Variants in INPP5F observed in about 807,000 individuals in gnomAD.
INPP5F encodes phosphatidylinositide 4-phosphatase SAC2.
Under a neutral mutation model 137.2 loss-of-function variants are expected in INPP5F, and 97 were observed. That is an observed-to-expected ratio of 0.71 (90% CI 0.60 to 0.84). The LOEUF (loss-of-function observed/expected upper bound fraction) is 0.84. INPP5F is among the 40% of genes least tolerant of loss of function. INPP5F has a pLI of 0.00. For synonymous variants in INPP5F, 504 were observed against 476.9 expected, an observed-to-expected ratio of 1.06 and a Z score of -0.74; for missense variants, 1,271 against 1,371.9, an observed-to-expected ratio of 0.93 and a Z score of 1.16.
chr10:119,798,786 C>CTTTT (rs374141329), intron 9 of INPP5F, among the ~76,000 whole-genome samples, 176 bp downstream of exon 9: 3,463 of 100,614 alleles, frequency 0.034, 125 homozygotes, highest in South Asian at 0.16. Flanking sequence ...GAGTCAGCTA[C>CTTTT]TTTTTTTTTT....
rs565460119 is a variant in INPP5F at position 119,798,570 on chromosome 10, G to C, written c.1076G>C (p.Cys359Ser). The change falls in exon 9 of 20, where the codon TGT becomes TCT. Residue 359 changes from cysteine to serine, a missense_variant. Coordinates refer to ENST00000650623, the MANE Select transcript of INPP5F (RefSeq NM_014937.4). ...GAAAAGGAAACTGTTGCCTATTTCTGTGCCCATTTCGAAGAACAACTGAAC... is the reference window on the plus strand; with the variant it reads ...GAAAAGGAAACTGTTGCCTATTTCTCTGCCCATTTCGAAGAACAACTGAAC... The part of the protein sequence containing the change: ...RSEKETVAYF[C>S]AHFEEQLNIY... The C allele has an allele frequency of 5.5e-5, 89 of 1,612,386 alleles. No homozygotes were observed. In the South Asian group the frequency reaches 8.9e-4, roughly 16 times the overall value.
intron 3 of INPP5F, among the ~76,000 whole-genome samples, chr10:119,784,969 CT>C (rs1849832339): frequency 6.6e-6 from 1 of 152,194 alleles, no homozygotes; most frequent in Non-Finnish European, 1.5e-5. Context: ...ACCACGTGGC[CT>C]TTTGTGATGG....
At chr10:119,732,500 CTT>C (rs59388357) in intron 1 of INPP5F, among the ~76,000 whole-genome samples, 15 of 115,540 alleles carry the variant, frequency 1.3e-4, no homozygotes, top group East Asian at 2.6e-4. Context: ...TTTCTTTTTT[CTT>C]TTTTTTTTTT....
chr10:119,778,420 G>A (rs1849596431), intron 2 of INPP5F, among the ~76,000 whole-genome samples: 1 of 152,164 alleles, frequency 6.6e-6, no homozygotes, highest in African/African-American at 2.4e-5. Flanking sequence ...TAATTGGGGA[G>A]TACTTTTTAA....
At chr10:119,808,183 A>G in intron 13 of INPP5F, 123 bp downstream of exon 13, 5 of 1,212,518 alleles carry the variant, frequency 4.1e-6, no homozygotes, top group Non-Finnish European at 5.7e-6. Flanking sequence ...TCTTTTCTGA[A>G]ATGGTTGGCT....
intron 2 of INPP5F, among the ~76,000 whole-genome samples, chr10:119,763,424 A>T (rs1193191574): frequency 6.6e-6 from 1 of 152,226 alleles, no homozygotes; most frequent in African/African-American, 2.4e-5. Flanking sequence ...AGCAGCCCTG[A>T]TGATCTCTTA....
At chr10:119,749,835 G>A (rs770347480) in intron 1 of INPP5F, among the ~76,000 whole-genome samples, 6 of 152,138 alleles carry the variant, frequency 3.9e-5, no homozygotes, top group Non-Finnish European at 7.3e-5. Flanking sequence ...CTGGAGTGCC[G>A]TGGTGCGATC....
At position 119,826,622 on chromosome 10, in the gene INPP5F, A is replaced by G. The variant is rs1328813816; in HGVS notation, c.2250-9A>G. On this transcript the variant is annotated splice_polypyrimidine_tract_variant and intron_variant, in intron 19 of 19. Transcript: ENST00000650623. ...GGGGAATTAACTTTTTTTCTCTTCT[A>G]ATTTGTAGGAAGAGCAGTAAACCTC... The G allele has an allele frequency of 1.3e-6, 2 of 1,554,278 alleles. No individual in the cohort carries two copies. The highest frequency in any genetic ancestry group is 1.7e-6 in the Non-Finnish European group (2 of 1,154,952).
intron 2 of INPP5F, among the ~76,000 whole-genome samples, chr10:119,759,747 C>T (rs1848955356): frequency 6.6e-6 from 1 of 152,170 alleles, no homozygotes; most frequent in Admixed American, 6.5e-5. Context: ...TCTTAACAGA[C>T]TTGAGTCTTG....
At chr10:119,741,818 A>T (rs1285259835) in intron 1 of INPP5F, among the ~76,000 whole-genome samples, 1 of 151,900 alleles carries the variant, frequency 6.6e-6, no homozygotes, top group African/African-American at 2.4e-5. Context: ...TACAGGCGTG[A>T]GCCACCGTGC....
intron 2 of INPP5F, among the ~76,000 whole-genome samples, chr10:119,780,677 C>T (rs902090547): frequency 3.9e-5 from 6 of 152,154 alleles, no homozygotes; most frequent in African/African-American, 1.2e-4. Flanking sequence ...TGGATCTAAC[C>T]AACCACACAT....
In INPP5F at chr10:119,827,079, C is replaced by T. The variant is rs146380100; in HGVS notation, c.2698C>T (p.Arg900Ter). 15 of 1,613,992 alleles carry T rather than the reference C, an allele frequency of 9.3e-6. No homozygotes were observed. The highest frequency in any genetic ancestry group is 1.3e-5 in the Non-Finnish European group (15 of 1,180,018). The part of the protein sequence containing the change: ...PSCGIIASAP[R>*]LGSRSQSLSS... ...TTGTGGTATTATTGCCTCAGCGCCT[C>T]GATTGGGCAGTCGGTCCCAGTCTCT... The change falls in exon 20 of 20, where the codon CGA (arginine) becomes TGA (stop). Residue 900 changes from arginine (R) to a stop codon, truncating the protein, a stop_gained. Transcript: ENST00000650623. LOFTEE classifies it high-confidence loss of function.
At chr10:119,798,699 C>A in intron 9 of INPP5F, 89 bp downstream of exon 9, 17 of 688,694 alleles carry the variant, frequency 2.5e-5, no homozygotes, top group Non-Finnish European at 3.0e-5. Context: ...TTGTACTATT[C>A]AAAATTAAAG....
chr10:119,761,465 G>A (rs1191584121), intron 2 of INPP5F, among the ~76,000 whole-genome samples: 2 of 152,184 alleles, frequency 1.3e-5, no homozygotes, highest in Non-Finnish European at 1.5e-5. Flanking sequence ...GCACTGGCGT[G>A]GTGGTAGCAT....
In INPP5F at chr10:119,827,679, G is replaced by T; in HGVS notation, c.3298G>T (p.Val1100Phe). Reference protein sequence around the residue: ...THGINFAVSKVQKSPPEPEII... With the variant: ...THGINFAVSKFQKSPPEPEII... ...TGGGATAAACTTTGCAGTGTCAAAA[G>T]TTCAGAAGAGTCCTCCAGAACCTGA... Residue 1100 changes from valine to phenylalanine, a missense_variant, in exon 20 of 20, where the codon GTT (valine) becomes TTT (phenylalanine). By Grantham distance (50) the Val-to-Phe change is conservative (BLOSUM62 -1). Transcript: ENST00000650623. The T allele has an allele frequency of 1.2e-6, 2 of 1,614,124 alleles. No homozygotes were observed. The highest frequency in any genetic ancestry group is 1.7e-6 in the Non-Finnish European group (2 of 1,179,958).
In INPP5F at chr10:119,784,556, A is replaced by G. The variant is rs932133013; in HGVS notation, c.315+2785A>G. Among the ~76,000 whole-genome samples, 9 of 152,318 alleles carry G rather than the reference A, an allele frequency of 5.9e-5. No homozygotes were observed. The East Asian group carries it at 1.7e-3, about 29-fold the overall frequency. ...TGGTCACTGTTCCCAGATTTGCTAA[A>G]GCCTAAGTCTGTGTTCTGTAATTGG... is the stretch of plus-strand genomic sequence containing the variant. On this transcript the variant is annotated intron_variant, in intron 3 of 19. Transcript: ENST00000650623.
chr10:119,794,971 T>C (rs796397478), intron 6 of INPP5F, among the ~76,000 whole-genome samples: 2,337 of 89,270 alleles, frequency 0.026, 81 homozygotes, highest in South Asian at 0.15. Flanking sequence ...CCAGTAGGGG[T>C]GGCCGGGCAG....
At chr10:119,743,592 T>G (rs913312564) in intron 1 of INPP5F, among the ~76,000 whole-genome samples, 1 of 131,288 alleles carries the variant, frequency 7.6e-6, no homozygotes, top group African/African-American at 2.9e-5. Flanking sequence ...GGGTGGGGAG[T>G]CGGATTCCAG....
intron 17 of INPP5F, 56 bp downstream of exon 17, chr10:119,822,560 G>C: frequency 1.3e-6 from 1 of 779,676 alleles, no homozygotes; most frequent in Non-Finnish European, 2.1e-6. Context: ...GTTTCCAAGA[G>C]GGGGTCAAAT....
Sources: gnomAD v4.1 joint callset for allele counts (sites outside exome capture counted in the v4.1 genomes callset) on GRCh38, gnomAD v4.1.1 for gene constraint, MANE v1.5 for transcripts, NCBI Gene and HGNC (gene_info 2026-07-23, HGNC 2026-07-21) for gene names.